Variants in ALDH1A3 observed in about 807,000 individuals in gnomAD.
ALDH1A3 encodes retinaldehyde dehydrogenase 3.
In ALDH1A3, 28 loss-of-function variants were observed where a neutral mutation model predicts 57.5. The observed-to-expected ratio is 0.49, with a 90% confidence interval of 0.36 to 0.67. The LOEUF (loss-of-function observed/expected upper bound fraction) is 0.67, where lower values mean the gene tolerates loss of function less well. ALDH1A3 is among the 30% of genes least tolerant of loss of function. The pLI is 0.00. For synonymous variants in ALDH1A3, 281 were observed against 264.8 expected, an observed-to-expected ratio of 1.06 and a Z score of -0.59; for missense variants, 507 against 669.4, an observed-to-expected ratio of 0.76 and a Z score of 2.68.
rs189456856 is a variant in ALDH1A3 at position 100,895,920 on chromosome 15, G to T, written c.667-13G>T. On this transcript the variant is annotated splice_polypyrimidine_tract_variant and intron_variant, in intron 6 of 12. Coordinates refer to ENST00000329841, the MANE Select transcript of ALDH1A3 (RefSeq NM_000693.4). ...TCCGTTCTTCTTCAAGTGCTATCTT[G>T]ATTTCTTCCCAGGCCGGGTTCCCTC... 1.2e-6 allele frequency: 2 copies of T among 1,604,894 alleles called. No homozygotes were observed. Among genetic ancestry groups the T allele is most frequent in the East Asian group, 4.5e-5 (2 of 44,564 alleles).
In ALDH1A3 at chr15:100,895,763, G is replaced by A. The variant is rs534330407; in HGVS notation, c.667-170G>A. Reference sequence around the variant, plus strand: ...CTGGCAGCAGGGGATGAGAAGCCCAGGTCAGCTCCCAGGGTGCCCACGGTC... The same window carrying A: ...CTGGCAGCAGGGGATGAGAAGCCCAAGTCAGCTCCCAGGGTGCCCACGGTC... On this transcript the variant is annotated intron_variant, in intron 6 of 12. Coordinates refer to ENST00000329841, the MANE Select transcript of ALDH1A3 (RefSeq NM_000693.4). 23 of 623,310 alleles carry A rather than the reference G, an allele frequency of 3.7e-5. No homozygotes were observed. In the East Asian group the frequency reaches 6.1e-4, roughly 16 times the overall value. The allele number at this position is 623,310 out of a possible 1,614,324, so 38.6% of individuals were successfully genotyped here. A position where few individuals can be genotyped will look rare whatever the true frequency, so the allele number is the denominator to read the frequency against.
In ALDH1A3 at chr15:100,916,583, C is replaced by T. The variant is rs1264634907; in HGVS notation, c.*1810C>T. ...TTCCGATCCTAGCTGCAGATCGCAT[C>T]CCACAATGCGAGAATGATAAAATAA... On this transcript the variant is annotated 3_prime_UTR_variant, in exon 13 of 13. Transcript: ENST00000329841. 6.6e-6 allele frequency: 1 copy of T among 152,172 alleles called. No homozygotes were observed. Among genetic ancestry groups the T allele is most frequent in the African/African-American group, 2.4e-5 (1 of 41,428 alleles). The allele number at this position is 152,172 out of a possible 1,614,324, so 9.4% of individuals were successfully genotyped here.
At chr15:100,881,902 T>C (rs1388937385) in intron 1 of ALDH1A3, among the ~76,000 whole-genome samples, 1 of 152,168 alleles carries the variant, frequency 6.6e-6, no homozygotes, top group African/African-American at 2.4e-5. Context: ...AGGCAGCTTG[T>C]GTGGCTGAGG....
At chr15:100,909,931 T>C (rs545142939) in intron 12 of ALDH1A3, among the ~76,000 whole-genome samples, 1 of 152,388 alleles carries the variant, frequency 6.6e-6, no homozygotes, top group East Asian at 1.9e-4. Context: ...GTCCTATTTA[T>C]ATACAAATGT....
At chr15:100,909,992 T>G (rs1223131949) in intron 12 of ALDH1A3, among the ~76,000 whole-genome samples, 1 of 152,222 alleles carries the variant, frequency 6.6e-6, no homozygotes, top group Admixed American at 6.5e-5. Context: ...ACGCTTCCCC[T>G]CACCTTGGGC....
At chr15:100,880,561 G>A in intron 1 of ALDH1A3, 1 of 217,554 alleles carries the variant, frequency 4.6e-6, no homozygotes. Context: ...ACCCGGCTCA[G>A]CAGCAGAACG....
At chr15:100,895,600 T>C (rs1433570301) in intron 6 of ALDH1A3, 2 of 338,382 alleles carry the variant, frequency 5.9e-6, no homozygotes, top group Non-Finnish European at 1.1e-5. Context: ...ACACCCCACA[T>C]GGAAAGGTGC....
Position 100,893,894 on chromosome 15 carries a change from C to A in ALDH1A3, c.538-60C>A. On this transcript the variant is annotated intron_variant, in intron 5 of 12. Transcript: ENST00000329841. This position sits in a 1 kb window ranked among gnomAD's most constrained non-coding sequence, Gnocchi z 4.8. ...TGTCCTCCACAAAGGCATCGTTGAG[C>A]ACATGGGACAGGGTAAGAGGGTGGA... 8 of 1,573,616 alleles carry A rather than the reference C, an allele frequency of 5.1e-6. No individual in the cohort carries two copies. The highest frequency in any genetic ancestry group is 1.2e-5 in the South Asian group (1 of 84,506).
At chr15:100,907,349 C>T in intron 11 of ALDH1A3, 71 bp downstream of exon 11, 1 of 1,512,172 alleles carries the variant, frequency 6.6e-7, no homozygotes, top group Non-Finnish European at 9.0e-7. Flanking sequence ...CTTCTATTAA[C>T]TGAGAGTTTC....
chr15:100,909,161 G>A (rs2041856322), intron 12 of ALDH1A3, among the ~76,000 whole-genome samples: 1 of 93,960 alleles, frequency 1.1e-5, no homozygotes, highest in African/African-American at 4.4e-5. Flanking sequence ...AAACTCCTCA[G>A]TGTGTGAACC....
intron 8 of ALDH1A3, among the ~76,000 whole-genome samples, chr15:100,898,688 A>T (rs1445297026): frequency 1.3e-5 from 2 of 152,236 alleles, no homozygotes; most frequent in Non-Finnish European, 2.9e-5. Context: ...GGCAGTAGCA[A>T]CTGATCCTTC....
intron 8 of ALDH1A3, among the ~76,000 whole-genome samples, chr15:100,899,464 A>G (rs2041744415): frequency 6.6e-6 from 1 of 152,228 alleles, no homozygotes; most frequent in African/African-American, 2.4e-5. Flanking sequence ...TACGAGGGTC[A>G]TAAAAACATG....
chr15:100,908,274 T>G (rs2041845958), intron 11 of ALDH1A3, 134 bp from the exon 12 acceptor site: 1 of 697,572 alleles, frequency 1.4e-6, no homozygotes, highest in African/African-American at 1.8e-5. Context: ...GAGCACCCTG[T>G]GTTTTCATCA....
intron 12 of ALDH1A3, among the ~76,000 whole-genome samples, chr15:100,912,163 T>C (rs1013630888): frequency 6.6e-6 from 1 of 152,250 alleles, no homozygotes; most frequent in Non-Finnish European, 1.5e-5. Context: ...GCTGATGTAC[T>C]TCCTTGTGCA....
chr15:100,887,451 A>T lies in ALDH1A3; in HGVS notation c.205-121A>T. The stretch of plus-strand genomic sequence containing the variant: ...CAAACTGCAGTCACGTCAAAAGATG[A>T]CACCCAAACTGCAGTCACCTCAAAA... On this transcript the variant is annotated intron_variant, in intron 2 of 12. Coordinates refer to ENST00000329841, the MANE Select transcript of ALDH1A3 (RefSeq NM_000693.4). The surrounding 1 kb of genome is among the most constrained non-coding windows in gnomAD (Gnocchi z 4.6). The T allele has an allele frequency of 8.5e-7, 1 of 1,180,656 alleles. No homozygotes were observed. The highest frequency in any genetic ancestry group is 1.2e-6 in the Non-Finnish European group (1 of 866,704). The allele number at this position is 1,180,656 out of a possible 1,614,324, so 73.1% of individuals were successfully genotyped here.
chr15:100,905,750 G>A, intron 10 of ALDH1A3, 63 bp downstream of exon 10: 1 of 1,438,124 alleles, frequency 7.0e-7, no homozygotes, highest in East Asian at 2.5e-5. Flanking sequence ...TCCTTCCCTA[G>A]GGCCCAGGGA....
intron 2 of ALDH1A3, among the ~76,000 whole-genome samples, chr15:100,886,741 C>T (rs1184658620): frequency 3.9e-5 from 6 of 152,176 alleles, no homozygotes; most frequent in East Asian, 1.9e-4. Flanking sequence ...AAGAAGGTTC[C>T]GTTGTGATTA....
At chr15:100,881,087 C>CA (rs1449646330) in intron 1 of ALDH1A3, 4 of 152,252 alleles carry the variant, frequency 2.6e-5, no homozygotes, top group African/African-American at 9.6e-5. Flanking sequence ...TAAGAAGTAG[C>CA]AATTATCTTT....
At chr15:100,910,411 T>G (rs1304398893) in intron 12 of ALDH1A3, among the ~76,000 whole-genome samples, 1 of 152,096 alleles carries the variant, frequency 6.6e-6, no homozygotes, top group Non-Finnish European at 1.5e-5. Flanking sequence ...GTCACCAGGG[T>G]CCCCTCTTGG....
Sources: gnomAD v4.1 joint callset for allele counts (sites outside exome capture counted in the v4.1 genomes callset) on GRCh38, gnomAD v4.1.1 for gene constraint, Gnocchi (gnomAD v3.1) non-coding constraint, MANE v1.5 for transcripts, NCBI Gene and HGNC (gene_info 2026-07-23, HGNC 2026-07-21) for gene names.